The following ZNF532 variants were observed in gnomAD, a reference collection of about 807,000 sequenced individuals.
The protein encoded by ZNF532 is zinc finger protein 532.
In ZNF532, 22 loss-of-function variants were observed where a neutral mutation model predicts 89.3. The ratio of observed to expected loss-of-function variants is 0.25; its 90% CI spans 0.18 to 0.35. ZNF532 has a LOEUF of 0.35. Among genes scored for constraint, ZNF532 ranks in the 10% least tolerant of loss-of-function variants. The pLI is 1.00. For missense variants in ZNF532, 1,132 were observed against 1,643.4 expected (o/e 0.69, Z 5.38); for synonymous variants, 606 against 649.6 (o/e 0.93, Z 1.02).
chr18:58,907,508 T>G (rs1369347305), intron 2 of ZNF532, among the ~76,000 whole-genome samples: 1 of 152,012 alleles, frequency 6.6e-6, no homozygotes, highest in Non-Finnish European at 1.5e-5. Flanking sequence ...TTTGTTTTTT[T>G]TTTGAGATGG....
At chr18:58,869,873 TCTCCTGCCTCAGC>T (rs989115590) in intron 2 of ZNF532, among the ~76,000 whole-genome samples, 13 of 151,436 alleles carry the variant, frequency 8.6e-5, no homozygotes, top group African/African-American at 2.9e-4. Context: ...TTCAAGCGAT[TCTCCTGCCTCAGC>T]CTCCTGAGTA....
intron 2 of ZNF532, among the ~76,000 whole-genome samples, chr18:58,899,462 TTTTA>T (rs1306980093): frequency 6.6e-6 from 1 of 152,012 alleles, no homozygotes; most frequent in Non-Finnish European, 1.5e-5. Context: ...AAACACTTAA[TTTTA>T]TTTATTTATT....
In ZNF532 at chr18:58,880,774, C is replaced by CTG. The variant is rs1491083377; in HGVS notation, c.-18+15209_-18+15210dup. On this transcript the variant is annotated intron_variant, in intron 2 of 9. Coordinates refer to ENST00000591808, the MANE Select transcript of ZNF532 (RefSeq NM_001375912.1). ...TAGGCGCGCGCGCACGCGCGCGCGT[C>CTG]TGTGTGTGTGTGTGTATGTTTGGGG... is the stretch of plus-strand genomic sequence containing the variant. 1.9e-3 allele frequency among the ~76,000 whole-genome samples: 264 copies of CTG among 142,332 alleles called. 3 individuals are homozygous for CTG. Among genetic ancestry groups the CTG allele is most frequent in the East Asian group, 6.2e-3 (31 of 5,026 alleles). The allele number at this position is 142,332 out of a possible 152,430, so 93.4% of individuals were successfully genotyped here.
chr18:58,896,321 T>TTTCCATCATCA (rs1386700737), intron 2 of ZNF532: 1 of 152,104 alleles, frequency 6.6e-6, no homozygotes, highest in African/African-American at 2.4e-5. Flanking sequence ...TTCCATCACC[T>TTTCCATCATCA]TCAAAAAAAG....
At chr18:58,884,384 A>T (rs2058135695) in intron 2 of ZNF532, among the ~76,000 whole-genome samples, 1 of 152,196 alleles carries the variant, frequency 6.6e-6, no homozygotes, top group African/African-American at 2.4e-5. Context: ...CCGTCTCAAA[A>T]TTTTTTTTAA....
intron 2 of ZNF532, among the ~76,000 whole-genome samples, chr18:58,895,333 G>GA: frequency 6.6e-6 from 1 of 152,336 alleles, no homozygotes; most frequent in Middle Eastern, 3.4e-3. Flanking sequence ...TGCTGTTAGG[G>GA]AAAAGAGAGT....
At chr18:58,945,575 A>G (rs965298242) in intron 5 of ZNF532, among the ~76,000 whole-genome samples, 1 of 152,102 alleles carries the variant, frequency 6.6e-6, no homozygotes, top group African/African-American at 2.4e-5. Context: ...AAACAACAGA[A>G]TCCCTCCCCA....
intron 2 of ZNF532, among the ~76,000 whole-genome samples, chr18:58,880,155 C>T (rs886402292): frequency 1.3e-5 from 2 of 152,148 alleles, no homozygotes; most frequent in African/African-American, 2.4e-5. Flanking sequence ...AGAAAGTGTG[C>T]AGAGGCCGCT....
intron 2 of ZNF532, among the ~76,000 whole-genome samples, chr18:58,879,714 A>G (rs537759063): frequency 4.6e-4 from 70 of 152,216 alleles, no homozygotes; most frequent in Non-Finnish European, 7.5e-4. Context: ...TTTCTATAGC[A>G]TGTACTCTTG....
intron 2 of ZNF532, among the ~76,000 whole-genome samples, chr18:58,876,828 C>T (rs2096538690): frequency 6.6e-6 from 1 of 152,126 alleles, no homozygotes; most frequent in African/African-American, 2.4e-5. Flanking sequence ...GAGGCTGAGG[C>T]TGAGGTGGGA....
intron 4 of ZNF532, among the ~76,000 whole-genome samples, chr18:58,937,956 A>G (rs371671321): frequency 6.6e-6 from 1 of 152,238 alleles, no homozygotes; most frequent in East Asian, 1.9e-4. Flanking sequence ...GTGTTTAAAC[A>G]TAGCTGTTGC....
At chr18:58,970,461 T>C (rs2066366522) in intron 7 of ZNF532, among the ~76,000 whole-genome samples, 1 of 152,046 alleles carries the variant, frequency 6.6e-6, no homozygotes, top group Non-Finnish European at 1.5e-5. Flanking sequence ...TGCCTGCAAG[T>C]AGAAGGGGAA....
chr18:58,932,434 A>G (rs1238080035), intron 3 of ZNF532: 1 of 152,198 alleles, frequency 6.6e-6, no homozygotes, highest in African/African-American at 2.4e-5. Context: ...TACCGTTCTA[A>G]AGTAGTGCAA....
intron 2 of ZNF532, among the ~76,000 whole-genome samples, chr18:58,909,494 T>A (rs1372202897): frequency 6.6e-6 from 1 of 152,116 alleles, no homozygotes; most frequent in Non-Finnish European, 1.5e-5. Flanking sequence ...GAGGTTGCCT[T>A]TCAACAAAGG....
In ZNF532 at chr18:58,954,799, A is replaced by G. The variant is rs1306607981; in HGVS notation, c.3150+1000A>G. ...ATGATCTCGGCTTGCTGCAATCTCT[A>G]CCTCCTGGGTTCAAGCAATTCTCAT... On this transcript the variant is annotated intron_variant, in intron 7 of 9. Coordinates refer to ENST00000591808, the MANE Select transcript of ZNF532 (RefSeq NM_001375912.1). 4.8e-5 allele frequency among the ~76,000 whole-genome samples: 7 copies of G among 144,356 alleles called. 1 individual carries two copies. The South Asian group carries it at 1.1e-3, about 22-fold the overall frequency. 94.7% of individuals were successfully genotyped at this position (144,356 alleles called of 152,430 possible). A position where few individuals can be genotyped will look rare whatever the true frequency, so the allele number is the denominator to read the frequency against.
chr18:58,901,866 T>C (rs1005597071), intron 2 of ZNF532, among the ~76,000 whole-genome samples: 1 of 152,190 alleles, frequency 6.6e-6, no homozygotes, highest in Non-Finnish European at 1.5e-5. Flanking sequence ...TGGCTAGTGC[T>C]GACTTGCTGG....
chr18:58,875,525 C>CT (rs1197840100), intron 2 of ZNF532, among the ~76,000 whole-genome samples: 4 of 152,132 alleles, frequency 2.6e-5, no homozygotes, highest in South Asian at 2.1e-4. Flanking sequence ...AGTTTGGCCC[C>CT]TTTTTCTCTC....
chr18:58,920,588 A>T lies in ZNF532; in HGVS notation c.2301A>T (p.Thr767=). 1.2e-6 allele frequency: 2 copies of T among 1,604,350 alleles called. No individual in the cohort carries two copies. The highest frequency in any genetic ancestry group is 1.7e-6 in the Non-Finnish European group (2 of 1,173,348). The change falls in exon 3 of 10, where the codon ACA becomes ACT. Residue 767 remains threonine (T), a synonymous_variant. Transcript: ENST00000591808. ...GTAATGAAGTCTTCCAGGACGAGAC[A>T]TCACTGGCTACACATTTCCAGCAGG... ...LECNEVFQDE[T]SLATHFQQAA... is the part of the protein sequence containing the mutation.
intron 5 of ZNF532, among the ~76,000 whole-genome samples, chr18:58,944,537 TG>T (rs2063491626): frequency 1.3e-5 from 2 of 152,092 alleles, no homozygotes; most frequent in Middle Eastern, 3.2e-3. Context: ...CCAGCTACAC[TG>T]GGGTTCTCAC....
Sources: allele counts gnomAD v4.1 joint callset (sites outside exome capture counted in the v4.1 genomes callset), GRCh38; gene constraint gnomAD v4.1.1; transcripts MANE v1.5; gene names NCBI Gene and HGNC (gene_info 2026-07-23, HGNC 2026-07-21).